The following CHODL variants were observed in gnomAD, a reference collection of about 807,000 sequenced individuals.
CHODL encodes the protein chondrolectin.
Under a neutral mutation model 34.5 loss-of-function variants are expected in CHODL, and 29 were observed. The observed-to-expected ratio is 0.84, with a 90% CI of 0.63 to 1.15. CHODL has a LOEUF of 1.15. Ranked by LOEUF, CHODL falls within the 50% of genes most tolerant of loss-of-function variation. The pLI is 0.00. For synonymous variants in CHODL, 125 were observed against 116.1 expected (o/e 1.08, Z -0.49); for missense variants, 332 against 332.5 (o/e 1.00, Z 0.01).
upstream of CHODL, among the ~76,000 whole-genome samples, chr21:18,242,704 T>G (rs2074093552): frequency 6.6e-6 from 1 of 152,196 alleles, no homozygotes. Context: ...ACAGCCTTAG[T>G]TAATGAATGT....
intron 2 of CHODL, among the ~76,000 whole-genome samples, chr21:18,097,247 C>G (rs927453320): frequency 1.3e-5 from 2 of 152,036 alleles, no homozygotes; most frequent in African/African-American, 2.4e-5. Context: ...GAAAGGAATA[C>G]AGGGCACTCA....
At chr21:18,095,531 G>A (rs1475227823) in intron 2 of CHODL, among the ~76,000 whole-genome samples, 1 of 152,112 alleles carries the variant, frequency 6.6e-6, no homozygotes, top group African/African-American at 2.4e-5. Context: ...TTTCAGTAAA[G>A]TAAGCCTAGG....
chr21:18,002,637 A>G (rs921332775), intron 1 of CHODL, among the ~76,000 whole-genome samples: 1 of 152,116 alleles, frequency 6.6e-6, no homozygotes, highest in Non-Finnish European at 1.5e-5. Context: ...AGGAGTACAT[A>G]TCTCCACCTT....
chr21:18,105,629 T>C (rs2065264141), intron 2 of CHODL, among the ~76,000 whole-genome samples: 3 of 152,144 alleles, frequency 2.0e-5, no homozygotes, highest in Non-Finnish European at 4.4e-5. Flanking sequence ...TGCCAATGCC[T>C]CAAGCCAACC....
intron 2 of CHODL, among the ~76,000 whole-genome samples, chr21:18,158,746 G>A (rs2073061923): frequency 6.6e-6 from 1 of 151,286 alleles, no homozygotes; most frequent in African/African-American, 2.4e-5. Context: ...GCTGAGGCAG[G>A]AAAATCGCTT....
chr21:17,945,160 C>T (rs895666046), intron 1 of CHODL, among the ~76,000 whole-genome samples: 7 of 148,800 alleles, frequency 4.7e-5, no homozygotes, highest in South Asian at 2.1e-4. Flanking sequence ...TGCAGTGAGC[C>T]GAGATCGCTC....
intron 2 of CHODL, among the ~76,000 whole-genome samples, chr21:18,076,379 T>C (rs932450804): frequency 1.3e-5 from 2 of 152,220 alleles, no homozygotes; most frequent in African/African-American, 4.8e-5. Context: ...ATTGTGTTCA[T>C]GTCCAAGTAT....
chr21:18,003,870 G>A (rs1176795272), intron 1 of CHODL, among the ~76,000 whole-genome samples: 1 of 152,160 alleles, frequency 6.6e-6, no homozygotes, highest in Non-Finnish European at 1.5e-5. Flanking sequence ...TTGCTCAGAA[G>A]TTATATTAAA....
intron 1 of CHODL, among the ~76,000 whole-genome samples, chr21:17,996,740 G>A (rs1367589404): frequency 6.6e-6 from 1 of 152,176 alleles, no homozygotes; most frequent in African/African-American, 2.4e-5. Flanking sequence ...CTTCAACAAA[G>A]ACTGAAGTAC....
intron 1 of CHODL, among the ~76,000 whole-genome samples, chr21:18,017,917 C>T (rs758516029): frequency 1.3e-5 from 2 of 152,242 alleles, no homozygotes; most frequent in Admixed American, 6.5e-5. Context: ...GCCTTGGGAG[C>T]CTACCCCTTG....
chr21:18,231,678 T>C (rs1185545289), intron 2 of CHODL, among the ~76,000 whole-genome samples: 1 of 152,114 alleles, frequency 6.6e-6, no homozygotes, highest in African/African-American at 2.4e-5. Flanking sequence ...TACAGTAAAG[T>C]GCAAAAGTCA....
rs115090294 is a variant in CHODL, at chr21:18,119,905, T to C, written c.-45+91934T>C. ...AGAGCTAGGATCCAAGCCTCCGATTTTGATTTTGTAGGATTATTTTTCCTT... is the reference window on the plus strand; with the variant it reads ...AGAGCTAGGATCCAAGCCTCCGATTCTGATTTTGTAGGATTATTTTTCCTT... On this transcript the variant is annotated intron_variant, in intron 2 of 6. Coordinates refer to the CHODL transcript ENST00000400127. Among the ~76,000 whole-genome samples, 724 of 152,228 alleles carry C rather than the reference T, an allele frequency of 4.8e-3. 3 individuals are homozygous for C. The highest frequency in any genetic ancestry group is 0.015 in the African/African-American group (622 of 41,548).
At position 17,966,626 on chromosome 21, in the gene CHODL, G is replaced by A. The variant is rs376877216; in HGVS notation, c.-145+49226G>A. Among the ~76,000 whole-genome samples, 6 of 152,214 alleles carry A rather than the reference G, an allele frequency of 3.9e-5. 1 individual carries two copies. The highest frequency in any genetic ancestry group is 1.3e-4 in the Admixed American group (2 of 15,282). On this transcript the variant is annotated intron_variant, in intron 1 of 6. Coordinates refer to the CHODL transcript ENST00000400127. ...TCTGCACTTGTTGCTTTGCTCAGTT[G>A]TTTTCATGTATCTGCAGCTACAGAA... is the stretch of plus-strand genomic sequence containing the variant.
chr21:18,241,194 A>G (rs1314719601), upstream of CHODL, among the ~76,000 whole-genome samples: 3 of 152,254 alleles, frequency 2.0e-5, no homozygotes, highest in East Asian at 3.9e-4. Context: ...ATTGGGAGGG[A>G]AAACCTTGGA....
chr21:18,016,862 A>T (rs1287489764), intron 1 of CHODL, among the ~76,000 whole-genome samples: 1 of 152,250 alleles, frequency 6.6e-6, no homozygotes, highest in Non-Finnish European at 1.5e-5. Context: ...GATGTGAGTC[A>T]TGGAGGTCAA....
chr21:18,185,516 T>TA (rs2073430508), intron 2 of CHODL, among the ~76,000 whole-genome samples: 1 of 152,192 alleles, frequency 6.6e-6, no homozygotes, highest in Non-Finnish European at 1.5e-5. Flanking sequence ...TAGAATGACT[T>TA]ACAATCCTTT....
rs376642997 is a variant in CHODL, at chr21:17,950,380, T to A, written c.-145+32980T>A. Among the ~76,000 whole-genome samples, 8 of 150,784 alleles carry A rather than the reference T, an allele frequency of 5.3e-5. No individual in the cohort carries two copies. In the East Asian group the frequency reaches 1.6e-3, roughly 29 times the overall value. On this transcript the variant is annotated intron_variant, in intron 1 of 6. Coordinates refer to the CHODL transcript ENST00000400127. ...AAACTAGTAGTGCTTGAGAATAAAA[T>A]GAGAGAGAGAGAAAAAAAATAGACA...
chr21:18,211,570 A>T (rs1408769938), intron 2 of CHODL, among the ~76,000 whole-genome samples: 3 of 152,250 alleles, frequency 2.0e-5, no homozygotes, highest in Non-Finnish European at 2.9e-5. Flanking sequence ...TGAGACCCAC[A>T]GGTTTCAAGA....
intron 2 of CHODL, among the ~76,000 whole-genome samples, chr21:18,118,366 C>G (rs897080718): frequency 2.0e-5 from 3 of 152,100 alleles, no homozygotes; most frequent in Admixed American, 2.0e-4. Context: ...ACAGACAATG[C>G]ATTCCAACCA....
Sources: allele counts gnomAD v4.1 joint callset (sites outside exome capture counted in the v4.1 genomes callset), GRCh38; gene constraint gnomAD v4.1.1; transcripts MANE v1.5; gene names NCBI Gene and HGNC (gene_info 2026-07-23, HGNC 2026-07-21).